The following GNAL variants were observed in gnomAD, a reference collection of about 807,000 sequenced individuals.
GNAL encodes G protein subunit alpha L.
Under a neutral mutation model 55.1 loss-of-function variants are expected in GNAL, and 18 were observed. That is an observed-to-expected ratio of 0.33 (90% confidence interval 0.23 to 0.48). The LOEUF (loss-of-function observed/expected upper bound fraction) is 0.48, where lower values mean the gene tolerates loss of function less well. Ranked by LOEUF, GNAL falls within the 20% of genes least tolerant of loss-of-function variation. GNAL has a pLI of 0.99. For synonymous variants in GNAL, 253 were observed against 237.0 expected (o/e 1.07, Z -0.62); for missense variants, 412 against 614.1 (o/e 0.67, Z 3.48).
intron 9 of GNAL, among the ~76,000 whole-genome samples, chr18:11,870,935 C>T (rs2036382919): frequency 1.3e-5 from 2 of 152,068 alleles, no homozygotes; most frequent in South Asian, 2.1e-4. Flanking sequence ...CAGAAGGATA[C>T]TATAGAGTTA....
intron 10 of GNAL, among the ~76,000 whole-genome samples, chr18:11,873,886 C>T (rs2036458579): frequency 6.6e-6 from 1 of 152,100 alleles, no homozygotes; most frequent in Non-Finnish European, 1.5e-5. Context: ...TCCCCAGGCC[C>T]TTCCCTCTTT....
rs138091623 is a variant in GNAL at position 11,701,452 on chromosome 18, G to A, written c.376+11513G>A. Reference sequence around the variant, plus strand: ...CTAAAAATACAAAAATTAGCCAGACGTTGTGGCGGGTACCTATAATCCCAG... The same window carrying A: ...CTAAAAATACAAAAATTAGCCAGACATTGTGGCGGGTACCTATAATCCCAG... On this transcript the variant is annotated intron_variant, in intron 1 of 11. Coordinates refer to ENST00000334049, the MANE Select transcript of GNAL (RefSeq NM_182978.4). 7.0e-3 allele frequency among the ~76,000 whole-genome samples: 1,061 copies of A among 150,866 alleles called. 15 individuals carry two copies. The highest frequency in any genetic ancestry group is 0.024 in the African/African-American group (1,005 of 41,064).
chr18:11,860,598 C>A (rs1053646400), intron 5 of GNAL, among the ~76,000 whole-genome samples: 2 of 152,110 alleles, frequency 1.3e-5, no homozygotes, highest in African/African-American at 4.8e-5. Flanking sequence ...CCCAAAGAAG[C>A]TGTTAGGACC....
At chr18:11,854,571 C>T (rs2143801065) in intron 5 of GNAL, 1 of 156,964 alleles carries the variant, frequency 6.4e-6, no homozygotes, top group African/African-American at 2.4e-5. Flanking sequence ...CACCTGAGGT[C>T]AGGAGTTTGA....
intron 5 of GNAL, chr18:11,852,601 GT>G: frequency 1.2e-5 from 1 of 84,968 alleles, no homozygotes. Flanking sequence ...TATCCTTTGG[GT>G]TTTGGTTTTT....
At chr18:11,791,036 C>T (rs1190719087) in intron 4 of GNAL, among the ~76,000 whole-genome samples, 1 of 152,066 alleles carries the variant, frequency 6.6e-6, no homozygotes, top group Non-Finnish European at 1.5e-5. Flanking sequence ...ATTTACAGAG[C>T]AAGATATCCA....
intron 1 of GNAL, among the ~76,000 whole-genome samples, chr18:11,711,681 T>G (rs764009017): frequency 6.6e-6 from 1 of 152,262 alleles, no homozygotes; most frequent in African/African-American, 2.4e-5. Flanking sequence ...TGATTATTTT[T>G]AATTCTTTGT....
chr18:11,751,713 G>GC lies in GNAL; in HGVS notation c.377-1136dup, dbSNP rs1265403616. On this transcript the variant is annotated intron_variant, in intron 1 of 11. Transcript: ENST00000334049. The surrounding 1 kb of genome is among the most constrained non-coding windows in gnomAD (Gnocchi z 4.5). ...AACCCAGGCCGGTCAGCGTGTAAGC[G>GC]CCCCAGCCGGCCGGGCTCCGTGGGG... 1 of 961,052 alleles carries GC rather than the reference G, an allele frequency of 1.0e-6. No individual in the cohort carries two copies. Among genetic ancestry groups the GC allele is most frequent in the Non-Finnish European group, 1.2e-6 (1 of 807,828 alleles). The allele number at this position is 961,052 out of a possible 1,614,324, so 59.5% of individuals were successfully genotyped here.
At chr18:11,852,377 A>C in intron 5 of GNAL, 1 of 425,080 alleles carries the variant, frequency 2.4e-6, no homozygotes. Context: ...GTGTATATGA[A>C]TCTTTCTCGA....
chr18:11,820,074 G>T (rs2035054322), intron 4 of GNAL, among the ~76,000 whole-genome samples: 1 of 152,150 alleles, frequency 6.6e-6, no homozygotes, highest in South Asian at 2.1e-4. Flanking sequence ...TGATATAATT[G>T]TGAGAAAGGG....
intron 1 of GNAL, among the ~76,000 whole-genome samples, chr18:11,700,426 A>G (rs2031538882): frequency 6.6e-6 from 1 of 152,224 alleles, no homozygotes; most frequent in South Asian, 2.1e-4. Context: ...TGGCTTGGCC[A>G]GGCCATGTGT....
At chr18:11,842,193 C>G (rs1306516963) in intron 5 of GNAL, among the ~76,000 whole-genome samples, 1 of 151,784 alleles carries the variant, frequency 6.6e-6, no homozygotes, top group Non-Finnish European at 1.5e-5. Flanking sequence ...GTTGGTCAGG[C>G]TGGTCTCGAA....
intron 1 of GNAL, among the ~76,000 whole-genome samples, chr18:11,708,065 C>A (rs2031755205): frequency 6.6e-6 from 1 of 152,212 alleles, no homozygotes; most frequent in Non-Finnish European, 1.5e-5. Flanking sequence ...GTGGCTATTT[C>A]ACTTTCTCGT....
intron 1 of GNAL, among the ~76,000 whole-genome samples, chr18:11,691,797 G>A (rs1261410462): frequency 6.6e-6 from 1 of 152,140 alleles, no homozygotes; most frequent in Admixed American, 6.5e-5. Context: ...CCAGCTCTGG[G>A]AGATTTGCTC....
At position 11,813,207 on chromosome 18, in the gene GNAL, A is replaced by G. The variant is rs544908134; in HGVS notation, c.625-11711A>G. On this transcript the variant is annotated intron_variant, in intron 4 of 11. Transcript: ENST00000334049. ...GAGGTGGAGGTTGCAGTGAGCCGAG[A>G]TCGCTCTATTGCACTCCAGCTCTGG... 2.1e-4 allele frequency among the ~76,000 whole-genome samples: 31 copies of G among 150,212 alleles called. 1 individual carries two copies. The South Asian group carries it at 6.3e-3, about 31-fold the overall frequency.
chr18:11,810,386 T>G (rs1164354916), intron 4 of GNAL: 3 of 152,322 alleles, frequency 2.0e-5, no homozygotes, highest in African/African-American at 7.2e-5. Flanking sequence ...CAGAGTGAGA[T>G]CCTGTCTCAA....
rs1451131915 is a variant in GNAL at position 11,885,368 on chromosome 18, G to A, written c.*4233G>A. On this transcript the variant is annotated 3_prime_UTR_variant, in exon 12 of 12. Transcript: ENST00000334049. ...GCTGAGTATAGCTAATGAATAAATG[G>A]TTGTTTCTTTAGAAAATTAAACACA... is the stretch of plus-strand genomic sequence containing the variant. The A allele has an allele frequency of 8.8e-6, 3 of 341,568 alleles. No individual in the cohort carries two copies. Among genetic ancestry groups the A allele is most frequent in the African/African-American group, 6.4e-5 (3 of 47,162 alleles). 21.2% of individuals were successfully genotyped at this position (341,568 alleles called of 1,614,324 possible).
intron 4 of GNAL, among the ~76,000 whole-genome samples, chr18:11,797,127 T>C (rs1040662927): frequency 1.3e-5 from 2 of 152,200 alleles, no homozygotes; most frequent in Non-Finnish European, 2.9e-5. Flanking sequence ...AGACGGGTTT[T>C]CGCCATGTTG....
At chr18:11,759,399 A>G (rs1286139750) in intron 4 of GNAL, among the ~76,000 whole-genome samples, 1 of 152,262 alleles carries the variant, frequency 6.6e-6, no homozygotes, top group East Asian at 1.9e-4. Context: ...AACAAGAAAC[A>G]GAAAAGCAGT....
Sources: allele counts gnomAD v4.1 joint callset (sites outside exome capture counted in the v4.1 genomes callset), GRCh38; gene constraint gnomAD v4.1.1; non-coding constraint Gnocchi (gnomAD v3.1); transcripts MANE v1.5; gene names NCBI Gene and HGNC (gene_info 2026-07-23, HGNC 2026-07-21).